ACACA: variants seen among roughly 807,000 people sequenced by gnomAD.
ACACA encodes the protein acetyl-CoA carboxylase 1.
In ACACA, 103 loss-of-function variants were observed where a neutral mutation model predicts 296.1. That is an observed-to-expected ratio of 0.35 (90% CI 0.30 to 0.41). ACACA has a LOEUF of 0.41. ACACA is among the 10% of genes least tolerant of loss of function. ACACA has a pLI of 1.00. For synonymous variants in ACACA, 953 were observed against 1,038.6 expected (o/e 0.92, Z 1.58); for missense variants, 1,554 against 2,989.7 (o/e 0.52, Z 11.20).
intron 1 of ACACA, among the ~76,000 whole-genome samples, chr17:37,350,227 A>C (rs1421570171): frequency 6.6e-6 from 1 of 151,996 alleles, no homozygotes; most frequent in East Asian, 1.9e-4. Flanking sequence ...GCTACACAGA[A>C]GGCTGATATG....
At chr17:37,361,063 G>C (rs1209719814) in intron 1 of ACACA, among the ~76,000 whole-genome samples, 1 of 148,248 alleles carries the variant, frequency 6.7e-6, no homozygotes, top group Non-Finnish European at 1.5e-5. Flanking sequence ...TTTTGAGATG[G>C]AGTCTCGCTC....
chr17:37,316,076 G>A (rs1165110962), intron 3 of ACACA, among the ~76,000 whole-genome samples: 1 of 152,086 alleles, frequency 6.6e-6, no homozygotes, highest in African/African-American at 2.4e-5. Context: ...TTTAGGAACT[G>A]TGTGCCAGGA....
At chr17:37,142,068 TAATA>T (rs2075612155) in intron 45 of ACACA, among the ~76,000 whole-genome samples, 1 of 151,778 alleles carries the variant, frequency 6.6e-6, no homozygotes, top group Non-Finnish European at 1.5e-5. Context: ...AGCACATTCA[TAATA>T]GGTTGTCAAA....
In ACACA at chr17:37,276,022, A is replaced by G; in HGVS notation, c.830T>C (p.Leu277Ser). ...TATGGAAGATGCAATCTTATCCCCT[A>G]AAGCCCACATGGCCTGGCTTGGAGG... ...MGPPSQAMWA[L>S]GDKIASSIVA... Residue 277 changes from leucine to serine, a missense_variant, in exon 8 of 56, where the codon TTA (leucine) becomes TCA (serine). Leu to Ser is a moderately radical substitution (Grantham distance 145). Around this residue, in one of 16 missense-constraint regions of ACACA, gnomAD observed 29 missense variants for 90.3 expected, o/e 0.32. Coordinates refer to ENST00000616317, the MANE Select transcript of ACACA (RefSeq NM_198834.3). 6.2e-7 allele frequency: 1 copy of G among 1,614,210 alleles called. No individual in the cohort carries two copies. The highest frequency in any genetic ancestry group is 2.2e-5 in the East Asian group (1 of 44,886).
intron 41 of ACACA, among the ~76,000 whole-genome samples, chr17:37,167,615 A>G (rs2076730947): frequency 6.6e-6 from 1 of 151,634 alleles, no homozygotes; most frequent in South Asian, 2.1e-4. Flanking sequence ...CACCGCGCCC[A>G]GCCAAGAAAT....
At position 37,085,655 on chromosome 17, in the gene ACACA, C is replaced by A; in HGVS notation, c.*1661G>T. 2.5e-6 allele frequency: 1 copy of A among 399,176 alleles called. No individual in the cohort carries two copies. The highest frequency in any genetic ancestry group is 4.4e-6 in the Non-Finnish European group (1 of 226,208). The allele number at this position is 399,176 out of a possible 1,614,324, so 24.7% of individuals were successfully genotyped here. On this transcript the variant is annotated 3_prime_UTR_variant, in exon 56 of 56. Coordinates refer to ENST00000616317, the MANE Select transcript of ACACA (RefSeq NM_198834.3). Reference sequence around the variant, plus strand: ...TTCCACCAGGGCAGCCGGGCTGAGGCTCTGACTCCTGGGGGCTGTCCGCTC... The same window carrying A: ...TTCCACCAGGGCAGCCGGGCTGAGGATCTGACTCCTGGGGGCTGTCCGCTC...
intron 46 of ACACA, 64 bp downstream of exon 46, chr17:37,130,011 A>G: frequency 1.3e-6 from 2 of 1,591,498 alleles, no homozygotes; most frequent in Non-Finnish European, 1.7e-6. Context: ...ACACAGAGGC[A>G]GTGAGCTGTG....
intron 1 of ACACA, among the ~76,000 whole-genome samples, chr17:37,355,428 C>T (rs1291712151): frequency 6.6e-6 from 1 of 151,090 alleles, no homozygotes; most frequent in Non-Finnish European, 1.5e-5. Context: ...TGGTGGCAGG[C>T]GCCTGTAATC....
chr17:37,342,458 T>TACAC (rs1212506277), intron 1 of ACACA, among the ~76,000 whole-genome samples: 6 of 98,352 alleles, frequency 6.1e-5, no homozygotes, highest in African/African-American at 2.4e-4. Flanking sequence ...TATATATATA[T>TACAC]ACACACACAC....
intron 1 of ACACA, among the ~76,000 whole-genome samples, chr17:37,374,448 A>G (rs1425376745): frequency 1.3e-5 from 2 of 151,896 alleles, no homozygotes; most frequent in African/African-American, 2.4e-5. Context: ...CACCATGCCC[A>G]GCTAATTTTT....
intron 1 of ACACA, among the ~76,000 whole-genome samples, chr17:37,368,067 TCAAA>T (rs772554051): frequency 1.4e-4 from 20 of 147,024 alleles, no homozygotes; most frequent in Admixed American, 2.7e-4. Context: ...AGACTCCGTC[TCAAA>T]CAAACAAACA....
intron 28 of ACACA, among the ~76,000 whole-genome samples, chr17:37,223,050 C>T (rs954082712): frequency 5.3e-5 from 8 of 152,188 alleles, no homozygotes. Flanking sequence ...ACCTAAAACA[C>T]AGTTCATTAA....
At chr17:37,389,311 AG>A in intron 1 of ACACA, 1 of 1,598,564 alleles carries the variant, frequency 6.3e-7, no homozygotes, top group South Asian at 1.1e-5. Context: ...AAAAGAAGGG[AG>A]GCCAGCCACC....
At chr17:37,155,371 A>G (rs1417022254) in intron 43 of ACACA, among the ~76,000 whole-genome samples, 2 of 152,214 alleles carry the variant, frequency 1.3e-5, no homozygotes, top group East Asian at 3.8e-4. Context: ...TATAGAAAAG[A>G]CAGCAAGTGT....
At chr17:37,110,360 T>C (rs1278336355) in intron 52 of ACACA, among the ~76,000 whole-genome samples, 1 of 152,218 alleles carries the variant, frequency 6.6e-6, no homozygotes, top group East Asian at 1.9e-4. Context: ...AATTATTCTG[T>C]TTGGAAAAGA....
At chr17:37,221,216 T>C (rs1305769837) in intron 29 of ACACA, among the ~76,000 whole-genome samples, 1 of 152,236 alleles carries the variant, frequency 6.6e-6, no homozygotes, top group Non-Finnish European at 1.5e-5. Context: ...ATTAAGAAGT[T>C]TGGTTCTGCA....
intron 29 of ACACA, among the ~76,000 whole-genome samples, chr17:37,214,411 G>T (rs1246204976): frequency 6.6e-6 from 1 of 152,148 alleles, no homozygotes; most frequent in Non-Finnish European, 1.5e-5. Flanking sequence ...TGCTCTGCTG[G>T]AAGGTTTTGC....
rs951765527 is a variant in ACACA at position 37,191,086 on chromosome 17, C to T, written c.4572+34G>A. On this transcript the variant is annotated intron_variant, in intron 38 of 55. Transcript: ENST00000616317. Reference sequence around the variant, plus strand: ...GAATGAACTTCTGTGCTTATGCTTGCTAGTGCTGGGAGAGAAGCTAAGGAG... The same window carrying T: ...GAATGAACTTCTGTGCTTATGCTTGTTAGTGCTGGGAGAGAAGCTAAGGAG... The T allele has an allele frequency of 2.5e-6, 4 of 1,611,740 alleles. No homozygotes were observed. In the South Asian group the frequency reaches 4.4e-5, roughly 18 times the overall value.
At chr17:37,401,059 T>G (rs1007974560) in intron 1 of ACACA, among the ~76,000 whole-genome samples, 8 of 152,214 alleles carry the variant, frequency 5.3e-5, no homozygotes, top group Non-Finnish European at 1.0e-4. Context: ...TATCTCGCTT[T>G]TTGATAATAA....
Sources: allele counts gnomAD v4.1 joint callset (sites outside exome capture counted in the v4.1 genomes callset), GRCh38; gene constraint gnomAD v4.1.1; regional missense constraint gnomAD v4.1.1; transcripts MANE v1.5; gene names NCBI Gene and HGNC (gene_info 2026-07-23, HGNC 2026-07-21).